Variants in COA1 observed in about 807,000 individuals in gnomAD.
COA1 encodes cytochrome c oxidase assembly factor 1 homolog.
COA1 carries 13 observed loss-of-function variants against 16.0 expected under a neutral mutation model. The ratio of observed to expected loss-of-function variants is 0.81; its 90% confidence interval spans 0.53 to 1.29. COA1 has a LOEUF of 1.29. Ranked by LOEUF, COA1 falls within the 50% of genes most tolerant of loss-of-function variation. The pLI, the probability that COA1 is intolerant of heterozygous loss-of-function variation, is 0.00. For synonymous variants in COA1, 65 were observed against 65.7 expected, an observed-to-expected ratio of 0.99 and a Z score of 0.05; for missense variants, 179 against 177.0, an observed-to-expected ratio of 1.01 and a Z score of -0.06.
At chr7:43,647,812 G>A (rs1219699668) in intron 2 of COA1, 178 bp from the exon 3 acceptor site, 2 of 600,830 alleles carry the variant, frequency 3.3e-6, no homozygotes, top group Non-Finnish European at 5.9e-6. Flanking sequence ...CAAACTGAGT[G>A]CCCTCCTGAG....
chr7:43,621,558 G>A (rs1459234357), intron 6 of COA1, among the ~76,000 whole-genome samples: 1 of 152,100 alleles, frequency 6.6e-6, no homozygotes, highest in South Asian at 2.1e-4. Flanking sequence ...GCTTCCTGCA[G>A]CTCCCAACTT....
rs1012789144 is a variant in COA1, at chr7:43,647,737, G to A, written c.16-103C>T. On this transcript the variant is annotated intron_variant, in intron 2 of 5. Transcript: ENST00000223336. Reference sequence around the variant, plus strand: ...AAGGAAAGAAGCATTAAGGAAGCCAGAAAGGAGGCCAGACCGCCCTCCCTC... The same window carrying A: ...AAGGAAAGAAGCATTAAGGAAGCCAAAAAGGAGGCCAGACCGCCCTCCCTC... The A allele has an allele frequency of 3.2e-5, 27 of 850,158 alleles. No individual in the cohort carries two copies. The African/African-American group carries it at 4.6e-4, about 15-fold the overall frequency. 52.7% of individuals were successfully genotyped at this position (850,158 alleles called of 1,614,324 possible). A position where few individuals can be genotyped will look rare whatever the true frequency, so the allele number is the denominator to read the frequency against.
intron 1 of COA1, chr7:43,657,296 A>G (rs1360443871): frequency 6.6e-6 from 1 of 152,246 alleles, no homozygotes; most frequent in Non-Finnish European, 1.5e-5. Flanking sequence ...AAGTGTATAG[A>G]TTAGCAATTA....
intron 1 of COA1, among the ~76,000 whole-genome samples, chr7:43,652,084 T>C (rs1268039760): frequency 6.6e-6 from 1 of 152,192 alleles, no homozygotes; most frequent in Non-Finnish European, 1.5e-5. Flanking sequence ...AATGGTGGGT[T>C]TTAACCTTCT....
intron 1 of COA1, among the ~76,000 whole-genome samples, chr7:43,660,497 C>A (rs75381182): frequency 1.6e-3 from 247 of 151,866 alleles, no homozygotes; most frequent in African/African-American, 5.5e-3. Context: ...CTTATCAAAT[C>A]TTCTTAAGGG....
At chr7:43,633,168 A>G (rs1050277781) in intron 6 of COA1, 1 of 152,240 alleles carries the variant, frequency 6.6e-6, no homozygotes, top group East Asian at 1.9e-4. Context: ...TGTTTAGTGT[A>G]GCCACTTTCA....
chr7:43,692,394 T>C (rs2094401223), intron 1 of COA1, among the ~76,000 whole-genome samples: 6 of 152,038 alleles, frequency 3.9e-5, no homozygotes, highest in Admixed American at 3.3e-4. Flanking sequence ...TGGCAGCGCC[T>C]GTGGTCTCAG....
intron 6 of COA1, among the ~76,000 whole-genome samples, chr7:43,613,116 T>G (rs947217881): frequency 6.6e-6 from 1 of 152,184 alleles, no homozygotes; most frequent in South Asian, 2.1e-4. Context: ...GGTCTTAAAA[T>G]CTATTGCTCT....
At chr7:43,681,810 T>C (rs7787119) in intron 1 of COA1, among the ~76,000 whole-genome samples, 8,238 of 152,264 alleles carry the variant, frequency 0.054, 752 homozygotes, top group African/African-American at 0.19. Flanking sequence ...AGGAACATTC[T>C]GTAGTTTGTC....
chr7:43,703,168 A>G (rs2094819459), intron 1 of COA1, among the ~76,000 whole-genome samples: 1 of 152,096 alleles, frequency 6.6e-6, no homozygotes, highest in Non-Finnish European at 1.5e-5. Flanking sequence ...CTTGGTATTG[A>G]GTTCTATTTT....
chr7:43,626,918 G>T (rs1343794257), intron 6 of COA1: 1 of 152,138 alleles, frequency 6.6e-6, no homozygotes, highest in Non-Finnish European at 1.5e-5. Context: ...GAATATACTT[G>T]TAAAGGTGTA....
intron 1 of COA1, among the ~76,000 whole-genome samples, chr7:43,714,559 GC>G (rs1458974263): frequency 6.6e-6 from 1 of 151,262 alleles, no homozygotes; most frequent in East Asian, 2.0e-4. Flanking sequence ...AACCCGGGAG[GC>G]AGAGGTTGCA....
At chr7:43,676,038 C>T (rs1290215636) in intron 1 of COA1, among the ~76,000 whole-genome samples, 1 of 152,032 alleles carries the variant, frequency 6.6e-6, no homozygotes, top group African/African-American at 2.4e-5. Context: ...CCTATCCCTG[C>T]TCCCTCATAA....
chr7:43,624,501 A>C (rs750914574), intron 6 of COA1: 1 of 1,586,674 alleles, frequency 6.3e-7, no homozygotes, highest in South Asian at 1.1e-5. Context: ...TTAACTGTAA[A>C]ACATGTATCT....
At chr7:43,637,775 T>C (rs1187022184), downstream of COA1, among the ~76,000 whole-genome samples, 1 of 152,232 alleles carries the variant, frequency 6.6e-6, no homozygotes, top group Non-Finnish European at 1.5e-5. Context: ...CATAATACTA[T>C]TTCCTATCAG....
intron 1 of COA1, among the ~76,000 whole-genome samples, chr7:43,652,022 C>A (rs2153112885): frequency 6.6e-6 from 1 of 152,254 alleles, no homozygotes; most frequent in East Asian, 1.9e-4. Flanking sequence ...GACAGATGTC[C>A]AGGCCACACC....
chr7:43,677,536 C>T (rs143987880), intron 1 of COA1, among the ~76,000 whole-genome samples: 179 of 152,230 alleles, frequency 1.2e-3, no homozygotes, highest in African/African-American at 4.1e-3. Context: ...CAGTGGCTCA[C>T]GCCTGTAATC....
chr7:43,686,337 C>T (rs1007680626), intron 1 of COA1, among the ~76,000 whole-genome samples: 30 of 134,462 alleles, frequency 2.2e-4, no homozygotes, highest in African/African-American at 6.9e-4. Flanking sequence ...GACGGAGTCT[C>T]GTTCTGTCGC....
intron 6 of COA1, among the ~76,000 whole-genome samples, chr7:43,621,913 A>G (rs2083933459): frequency 6.6e-6 from 1 of 152,188 alleles, no homozygotes; most frequent in South Asian, 2.1e-4. Context: ...GTCATTTTAC[A>G]TACACACAGA....
Sources: allele counts gnomAD v4.1 joint callset (sites outside exome capture counted in the v4.1 genomes callset), GRCh38; gene constraint gnomAD v4.1.1; transcripts MANE v1.5; gene names NCBI Gene and HGNC (gene_info 2026-07-23, HGNC 2026-07-21).